NFKB1: variants seen among roughly 807,000 people sequenced by gnomAD.
NFKB1 encodes nuclear factor NF-kappa-B p105 subunit.
Under a neutral mutation model 105.1 loss-of-function variants are expected in NFKB1, and 9 were observed. That is an observed-to-expected ratio of 0.09 (90% CI 0.05 to 0.15). The LOEUF is 0.15. Among genes scored for constraint, NFKB1 ranks in the 10% least tolerant of loss-of-function variants. The pLI is 1.00. For missense variants in NFKB1, 830 were observed against 1,203.7 expected (o/e 0.69, Z 4.59); for synonymous variants, 440 against 442.2 (o/e 1.00, Z 0.06).
chr4:102,576,111 T>C (rs1383923317), intron 6 of NFKB1, among the ~76,000 whole-genome samples: 6 of 152,242 alleles, frequency 3.9e-5, no homozygotes, highest in Non-Finnish European at 5.9e-5. Flanking sequence ...CTTTTTAAGC[T>C]TATCACATAT....
intron 4 of NFKB1, 58 bp from the exon 5 acceptor site, chr4:102,537,800 G>T: frequency 9.7e-7 from 1 of 1,027,450 alleles, no homozygotes; most frequent in Non-Finnish European, 1.5e-6. Context: ...TACCTTTGTT[G>T]CCGTAATTTT....
rs1000426500 is a variant in NFKB1 at position 102,562,946 on chromosome 4, A to C, written c.259-4041A>C. ...AAGCTAAGCAGAAAAGAACTACTTC[A>C]TGTATCACCTCTTACATTCATGTTA... On this transcript the variant is annotated intron_variant, in intron 5 of 23. Transcript: ENST00000226574. Among the ~76,000 whole-genome samples the C allele has an allele frequency of 3.3e-5, 5 of 152,330 alleles. 1 individual carries two copies. The Middle Eastern group carries it at 0.01, about 311-fold the overall frequency.
intron 8 of NFKB1, 75 bp downstream of exon 8, chr4:102,579,114 T>A: frequency 2.0e-6 from 3 of 1,477,860 alleles, no homozygotes; most frequent in Non-Finnish European, 2.8e-6. Flanking sequence ...ACTTGCTAGC[T>A]GAGTCCTGGG....
intron 1 of NFKB1, among the ~76,000 whole-genome samples, chr4:102,512,661 G>A (rs966026624): frequency 4.6e-5 from 7 of 152,214 alleles, no homozygotes; most frequent in Admixed American, 1.3e-4. Context: ...ATGTTAAAGC[G>A]TTTATCTGTA....
intron 15 of NFKB1, among the ~76,000 whole-genome samples, chr4:102,598,433 G>A (rs1726830263): frequency 6.6e-6 from 1 of 152,184 alleles, no homozygotes; most frequent in Admixed American, 6.5e-5. Context: ...ATCCTTTTCT[G>A]TGGAAGAGCT....
Position 102,607,088 on chromosome 4 carries a change from A to C in NFKB1, c.1955-62A>C, listed in dbSNP as rs1025100848. The C allele has an allele frequency of 4.5e-6, 7 of 1,553,924 alleles. No individual in the cohort carries two copies. The African/African-American group carries it at 8.1e-5, about 18-fold the overall frequency. On this transcript the variant is annotated intron_variant, in intron 17 of 23. Coordinates refer to ENST00000226574, the MANE Select transcript of NFKB1 (RefSeq NM_003998.4). ...AGTTTTTGCCATTTCCTTCAGCTTC[A>C]CAAGGGCCATCTTGTGAGTTAGCCA...
intron 4 of NFKB1, among the ~76,000 whole-genome samples, chr4:102,536,952 T>C (rs1741680297): frequency 6.6e-6 from 1 of 152,186 alleles, no homozygotes; most frequent in Non-Finnish European, 1.5e-5. Context: ...CAGCGAAACC[T>C]CCCTTAATAT....
At chr4:102,520,182 C>G (rs755498737) in intron 1 of NFKB1, among the ~76,000 whole-genome samples, 23 of 152,294 alleles carry the variant, frequency 1.5e-4, no homozygotes, top group Admixed American at 9.8e-4. Flanking sequence ...AACAGTTTAT[C>G]TAGCAGTGAC....
At chr4:102,519,118 T>C (rs1040402185) in intron 1 of NFKB1, among the ~76,000 whole-genome samples, 1 of 151,986 alleles carries the variant, frequency 6.6e-6, no homozygotes, top group African/African-American at 2.4e-5. Flanking sequence ...TTTTGCACTT[T>C]GGTGTTGTTG....
intron 16 of NFKB1, among the ~76,000 whole-genome samples, chr4:102,606,103 A>T (rs564222924): frequency 1.9e-4 from 29 of 152,370 alleles, no homozygotes; most frequent in Middle Eastern, 3.4e-3. Flanking sequence ...ACTTGTAAAT[A>T]TGAAAATAAC....
At chr4:102,513,635 T>G (rs1437783221) in intron 1 of NFKB1, among the ~76,000 whole-genome samples, 3 of 152,158 alleles carry the variant, frequency 2.0e-5, no homozygotes, top group Admixed American at 2.0e-4. Flanking sequence ...GGGGTGAGGT[T>G]ATGTATTCTA....
At chr4:102,574,655 T>C (rs748382446) in intron 6 of NFKB1, among the ~76,000 whole-genome samples, 1 of 152,164 alleles carries the variant, frequency 6.6e-6, no homozygotes, top group Non-Finnish European at 1.5e-5. Context: ...AATTACAGGG[T>C]TCACCTTATT....
At chr4:102,547,513 C>T (rs1248193687) in intron 5 of NFKB1, among the ~76,000 whole-genome samples, 2 of 152,112 alleles carry the variant, frequency 1.3e-5, no homozygotes, top group Non-Finnish European at 2.9e-5. Context: ...CCTAGTTTTG[C>T]GACTTGCAGT....
chr4:102,531,172 G>T (rs1021519329), intron 3 of NFKB1, among the ~76,000 whole-genome samples: 2 of 152,086 alleles, frequency 1.3e-5, no homozygotes, highest in South Asian at 4.1e-4. Flanking sequence ...TGAGGCAGAC[G>T]TTTTCTTAAT....
At chr4:102,595,015 G>GA in intron 13 of NFKB1, 34 bp downstream of exon 13, 1 of 1,414,746 alleles carries the variant, frequency 7.1e-7, no homozygotes, top group African/African-American at 1.4e-5. Context: ...ACCAAGAAAG[G>GA]AAAAAAATAA....
chr4:102,615,225 G>A (rs1243721534), intron 23 of NFKB1, among the ~76,000 whole-genome samples: 4 of 152,148 alleles, frequency 2.6e-5, no homozygotes, highest in Non-Finnish European at 2.9e-5. Context: ...AGCAGTGTTC[G>A]AGGTTTTAAA....
At chr4:102,544,926 A>T (rs1446300898) in intron 5 of NFKB1, among the ~76,000 whole-genome samples, 1 of 151,512 alleles carries the variant, frequency 6.6e-6, no homozygotes, top group East Asian at 1.9e-4. Flanking sequence ...TCTGCCCTCC[A>T]CTCTTCCTTG....
At chr4:102,587,482 T>A (rs1360153244) in intron 11 of NFKB1, among the ~76,000 whole-genome samples, 2 of 151,978 alleles carry the variant, frequency 1.3e-5, no homozygotes, top group East Asian at 3.9e-4. Context: ...CTGTCTCCCT[T>A]TCCCAGTGGT....
chr4:102,527,111 A>G (rs1740968395), intron 2 of NFKB1, among the ~76,000 whole-genome samples: 1 of 152,204 alleles, frequency 6.6e-6, no homozygotes, highest in Non-Finnish European at 1.5e-5. Flanking sequence ...ACTACGTGCC[A>G]GAACATTGGC....
Sources: gnomAD v4.1 joint callset for allele counts (sites outside exome capture counted in the v4.1 genomes callset) on GRCh38, gnomAD v4.1.1 for gene constraint, MANE v1.5 for transcripts, NCBI Gene and HGNC (gene_info 2026-07-23, HGNC 2026-07-21) for gene names.